The following MOB3B variants were observed in gnomAD, a reference collection of about 807,000 sequenced individuals.
The protein encoded by MOB3B is MOB kinase activator-like 2B.
MOB3B carries 7 observed loss-of-function variants against 18.7 expected under a neutral mutation model. The ratio of observed to expected loss-of-function variants is 0.37; its 90% CI spans 0.21 to 0.70. MOB3B has a LOEUF of 0.70. MOB3B is among the 30% of genes least tolerant of loss of function. MOB3B has a pLI of 0.52. For missense variants in MOB3B, 253 were observed against 281.3 expected (o/e 0.90, Z 0.72); for synonymous variants, 111 against 99.9 (o/e 1.11, Z -0.66).
chr9:27,529,598 G>T lies in MOB3B; in HGVS notation c.-242C>A. ...GCCCAGGGCCCGGTCGGCTCCCTTC[G>T]CCGGGTCAGCTGCAGCCAGCGCGAA... On this transcript the variant is annotated 5_prime_UTR_variant, in exon 1 of 4. Coordinates refer to ENST00000262244, the MANE Select transcript of MOB3B (RefSeq NM_024761.5). 2.0e-6 allele frequency: 2 copies of T among 985,760 alleles called. No individual in the cohort carries two copies. Among genetic ancestry groups the T allele is most frequent in the Non-Finnish European group, 2.4e-6 (2 of 830,230 alleles). The allele number at this position is 985,760 out of a possible 1,614,324, so 61.1% of individuals were successfully genotyped here. A position where few individuals can be genotyped will look rare whatever the true frequency, so the allele number is the denominator to read the frequency against.
chr9:27,358,904 A>T (rs773213612), intron 3 of MOB3B, 130 bp downstream of exon 3: 1 of 954,050 alleles, frequency 1.0e-6, no homozygotes, highest in Non-Finnish European at 1.7e-6. Context: ...ACTAAACCCC[A>T]TTCAATTCTG....
intron 2 of MOB3B, among the ~76,000 whole-genome samples, chr9:27,418,075 G>A (rs28537215): frequency 0.079 from 7,506 of 95,570 alleles, 409 homozygotes; most frequent in African/African-American, 0.18. Context: ...CTGGGAGACA[G>A]GGTGAGACTC....
chr9:27,357,144 A>ATATATATATATATATATATATGTG lies in MOB3B; in HGVS notation c.621+1889_621+1890insCACATATATATATATATATATATA, dbSNP rs1486801059. ...CAAATATATATATATATATATATAT[A>ATATATATATATATATATATATGTG]TGTGTTTTTTTTTTTGCCATATATT... On this transcript the variant is annotated intron_variant, in intron 3 of 3. Transcript: ENST00000262244. Among the ~76,000 whole-genome samples, 4 of 80,966 alleles carry ATATATATATATATATATATATGTG rather than the reference A, an allele frequency of 4.9e-5. No homozygotes were observed. The Admixed American group carries it at 6.2e-4, about 13-fold the overall frequency. 53.1% of individuals were successfully genotyped at this position (80,966 alleles called of 152,430 possible). A position where few individuals can be genotyped will look rare whatever the true frequency, so the allele number is the denominator to read the frequency against.
chr9:27,461,230 G>GGGTGTATGTAAAGTAGATT (rs1465098157), intron 1 of MOB3B, among the ~76,000 whole-genome samples: 12 of 152,168 alleles, frequency 7.9e-5, no homozygotes, highest in Non-Finnish European at 1.6e-4. Flanking sequence ...TTATTTTAGA[G>GGGTGTATGTAAAGTAGATT]GGGTGTATGT....
chr9:27,350,982 A>C (rs1821097298), intron 3 of MOB3B, among the ~76,000 whole-genome samples: 1 of 150,258 alleles, frequency 6.7e-6, no homozygotes, highest in African/African-American at 2.5e-5. Context: ...GGCTCACTGC[A>C]ACCTCCGCCT....
chr9:27,334,991 T>C (rs1362096564), intron 3 of MOB3B, among the ~76,000 whole-genome samples: 1 of 152,118 alleles, frequency 6.6e-6, no homozygotes, highest in Non-Finnish European at 1.5e-5. Flanking sequence ...GCCCGGCTAA[T>C]TTTTTGTATT....
At chr9:27,453,364 G>C (rs1822822215) in intron 2 of MOB3B, among the ~76,000 whole-genome samples, 1 of 152,202 alleles carries the variant, frequency 6.6e-6, no homozygotes, top group Non-Finnish European at 1.5e-5. Context: ...ATGGAGGCTA[G>C]ATGGGGTAGA....
intron 1 of MOB3B, among the ~76,000 whole-genome samples, chr9:27,468,645 C>A (rs558121064): frequency 3.9e-5 from 6 of 152,130 alleles, no homozygotes; most frequent in Non-Finnish European, 8.8e-5. Context: ...GGGAGCACAC[C>A]CTAGACTTCA....
At chr9:27,519,928 A>G (rs893010338) in intron 1 of MOB3B, among the ~76,000 whole-genome samples, 1 of 151,946 alleles carries the variant, frequency 6.6e-6, no homozygotes, top group African/African-American at 2.4e-5. Flanking sequence ...AGCTGCACAC[A>G]ACCTTGTGAT....
intron 2 of MOB3B, among the ~76,000 whole-genome samples, chr9:27,399,351 T>C (rs1821843156): frequency 6.6e-6 from 1 of 152,124 alleles, no homozygotes. Context: ...CACTGGGCAG[T>C]ACAAGAGAGG....
Position 27,353,587 on chromosome 9 carries a change from C to G in MOB3B, c.621+5447G>C, listed in dbSNP as rs561332668. ...CATTGTTAGAAACAAGAAAATGGAGCCTTGGAGAGAGAATGAGAAGGTCCT... is the reference window on the plus strand; with the variant it reads ...CATTGTTAGAAACAAGAAAATGGAGGCTTGGAGAGAGAATGAGAAGGTCCT... On this transcript the variant is annotated intron_variant, in intron 3 of 3. Transcript: ENST00000262244. Among the ~76,000 whole-genome samples, 6 of 152,190 alleles carry G rather than the reference C, an allele frequency of 3.9e-5. No individual in the cohort carries two copies. In the South Asian group the frequency reaches 6.2e-4, roughly 16 times the overall value.
intron 2 of MOB3B, among the ~76,000 whole-genome samples, chr9:27,416,594 C>G (rs1055862305): frequency 8.5e-6 from 1 of 117,718 alleles, no homozygotes; most frequent in African/African-American, 3.1e-5. Context: ...GCTCTGTCAT[C>G]TAGTCTGGAG....
rs576438590 is a variant in MOB3B at position 27,407,778 on chromosome 9, C to T, written c.418+47355G>A. On this transcript the variant is annotated intron_variant, in intron 2 of 3. Coordinates refer to ENST00000262244, the MANE Select transcript of MOB3B (RefSeq NM_024761.5). ...CACTGGGAAGGTGGAGAGAGGCTTC[C>T]CAGTGTTGTCTCTGGCAAGACAGTA... 3.3e-5 allele frequency among the ~76,000 whole-genome samples: 5 copies of T among 152,240 alleles called. No homozygotes were observed. In the South Asian group the frequency reaches 1.0e-3, roughly 32 times the overall value.
chr9:27,383,667 G>A (rs922287668), intron 2 of MOB3B, among the ~76,000 whole-genome samples: 1 of 152,194 alleles, frequency 6.6e-6, no homozygotes, highest in Non-Finnish European at 1.5e-5. Flanking sequence ...TCAGGACAGA[G>A]CTGCTCTGTG....
At chr9:27,365,082 A>C (rs1370006331) in intron 2 of MOB3B, among the ~76,000 whole-genome samples, 1 of 151,832 alleles carries the variant, frequency 6.6e-6, no homozygotes, top group East Asian at 1.9e-4. Context: ...GGAATACTTC[A>C]TCGATCAAAA....
chr9:27,341,352 G>C (rs1042707985), intron 3 of MOB3B, among the ~76,000 whole-genome samples: 2 of 152,310 alleles, frequency 1.3e-5, no homozygotes, highest in East Asian at 1.9e-4. Flanking sequence ...GGATTCCATA[G>C]AAGCCGTTCA....
intron 1 of MOB3B, among the ~76,000 whole-genome samples, chr9:27,496,111 C>T (rs760523948): frequency 4.0e-4 from 61 of 152,332 alleles, no homozygotes; most frequent in South Asian, 2.3e-3. Context: ...CAAAAAAACT[C>T]TCATTACTTG....
chr9:27,489,629 G>A (rs917291066), intron 1 of MOB3B, among the ~76,000 whole-genome samples: 2 of 152,082 alleles, frequency 1.3e-5, no homozygotes, highest in African/African-American at 2.4e-5. Flanking sequence ...GTATGTGGGT[G>A]ATGGGGGTTG....
intron 2 of MOB3B, among the ~76,000 whole-genome samples, chr9:27,432,495 A>G (rs1011252739): frequency 6.6e-6 from 1 of 152,312 alleles, no homozygotes; most frequent in Non-Finnish European, 1.5e-5. Flanking sequence ...GCAATGCCTT[A>G]TCTCATGCCC....
Sources: gnomAD v4.1 joint callset for allele counts (sites outside exome capture counted in the v4.1 genomes callset) on GRCh38, gnomAD v4.1.1 for gene constraint, MANE v1.5 for transcripts, NCBI Gene and HGNC (gene_info 2026-07-23, HGNC 2026-07-21) for gene names.